DAB1: variants seen among roughly 807,000 people sequenced by gnomAD.
The protein encoded by DAB1 is DAB adaptor protein 1.
In DAB1, 15 loss-of-function variants were observed where a neutral mutation model predicts 64.6. The observed-to-expected ratio is 0.23, with a 90% confidence interval of 0.16 to 0.36. The LOEUF (loss-of-function observed/expected upper bound fraction) is 0.36. DAB1 is among the 10% of genes least tolerant of loss of function. DAB1 has a pLI of 1.00. For missense variants in DAB1, 596 were observed against 706.7 expected, an observed-to-expected ratio of 0.84 and a Z score of 1.78; for synonymous variants, 235 against 251.9, an observed-to-expected ratio of 0.93 and a Z score of 0.64.
At chr1:57,343,550 G>C (rs1218306932) in intron 1 of DAB1, among the ~76,000 whole-genome samples, 1 of 152,220 alleles carries the variant, frequency 6.6e-6, no homozygotes. Flanking sequence ...ACGGAGGTCG[G>C]GGGAGGCTCA....
chr1:57,034,048 G>A (rs1452370713), intron 9 of DAB1, among the ~76,000 whole-genome samples: 10 of 152,142 alleles, frequency 6.6e-5, no homozygotes, highest in Admixed American at 2.6e-4. Context: ...TTGGGAGGCC[G>A]AGGAGGCGGA....
At chr1:57,018,984 C>T (rs570903166) in intron 11 of DAB1, among the ~76,000 whole-genome samples, 26 of 152,052 alleles carry the variant, frequency 1.7e-4, no homozygotes, top group African/African-American at 6.0e-4. Context: ...CTTGGAGACT[C>T]AGTTCACTAT....
chr1:57,693,422 G>A (rs1228428446), intron 6 of DAB1, among the ~76,000 whole-genome samples: 1 of 152,114 alleles, frequency 6.6e-6, no homozygotes, highest in East Asian at 1.9e-4. Context: ...CCAGCACTCT[G>A]TAAAAACGCA....
rs1658989874 is a variant in DAB1, at chr1:57,145,170, C to G, written c.207+120G>C. On this transcript the variant is annotated intron_variant, in intron 3 of 14. Transcript: ENST00000371236. ...CGAATGAAAAAATATGGTGATTCAACAGTAAGCCAAGTAATTTACCAATAA... is the reference window on the plus strand; with the variant it reads ...CGAATGAAAAAATATGGTGATTCAAGAGTAAGCCAAGTAATTTACCAATAA... 3.0e-6 allele frequency: 3 copies of G among 1,006,692 alleles called. 1 individual carries two copies. In the Admixed American group the frequency reaches 7.1e-5, roughly 24 times the overall value. 62.4% of individuals were successfully genotyped at this position (1,006,692 alleles called of 1,614,324 possible). A position where few individuals can be genotyped will look rare whatever the true frequency, so the allele number is the denominator to read the frequency against.
intron 2 of DAB1, among the ~76,000 whole-genome samples, chr1:57,278,559 A>G (rs1671650283): frequency 6.6e-6 from 1 of 152,200 alleles, no homozygotes; most frequent in African/African-American, 2.4e-5. Context: ...GAGAATCACA[A>G]GGCTTAATTC....
chr1:58,532,173 G>A (rs940049090), intron 1 of DAB1, among the ~76,000 whole-genome samples: 2 of 151,964 alleles, frequency 1.3e-5, no homozygotes, highest in African/African-American at 2.4e-5. Flanking sequence ...AAACATAAAC[G>A]CCTAGATAAA....
chr1:57,823,645 A>G (rs1652221513), downstream of DAB1, among the ~76,000 whole-genome samples: 1 of 152,146 alleles, frequency 6.6e-6, no homozygotes, highest in Middle Eastern at 3.2e-3. Context: ...TCTGGTGCAA[A>G]GTATTAACCT....
intron 1 of DAB1, among the ~76,000 whole-genome samples, chr1:57,324,931 C>G (rs1277917212): frequency 1.3e-5 from 2 of 152,212 alleles, no homozygotes. Context: ...AACTGTTTCC[C>G]TGAGAACTGC....
At chr1:58,424,843 TATG>T (rs890023084) in intron 3 of DAB1, among the ~76,000 whole-genome samples, 2 of 152,076 alleles carry the variant, frequency 1.3e-5, no homozygotes, top group Non-Finnish European at 2.9e-5. Context: ...AGGAGGCATC[TATG>T]ATGAGTTCTA....
rs911523306 is a variant in DAB1, at chr1:58,085,958, C to CTTTTTTTTTT, written n.387+64543_387+64552dup. Reference sequence around the variant, plus strand: ...GGATGCTGTGGGCTGATCTCTCTCTCTTTTTTTTTTTTTTTTTTTTTTTGA... The same window carrying CTTTTTTTTTT: ...GGATGCTGTGGGCTGATCTCTCTCTCTTTTTTTTTTTTTTTTTTTTTTTTTTTTTTTTTGA... On this transcript the variant is annotated intron_variant and non_coding_transcript_variant, in intron 5 of 20. Coordinates refer to the DAB1 transcript ENST00000485760. Among the ~76,000 whole-genome samples the CTTTTTTTTTT allele has an allele frequency of 1.1e-4, 11 of 98,702 alleles. 1 individual carries two copies. The highest frequency in any genetic ancestry group is 7.5e-3 in the Middle Eastern group (1 of 134). 64.8% of individuals were successfully genotyped at this position (98,702 alleles called of 152,430 possible).
At chr1:57,511,938 A>T (rs1241452194) in intron 7 of DAB1, among the ~76,000 whole-genome samples, 1 of 152,200 alleles carries the variant, frequency 6.6e-6, no homozygotes, top group Non-Finnish European at 1.5e-5. Context: ...ACTAGTGATA[A>T]TAACAATCAC....
At chr1:58,501,888 T>TA (rs1361232465) in intron 3 of DAB1, among the ~76,000 whole-genome samples, 1 of 152,108 alleles carries the variant, frequency 6.6e-6, no homozygotes, top group East Asian at 1.9e-4. Context: ...AGTAGCTTTA[T>TA]AAAAAGAGAC....
intron 6 of DAB1, among the ~76,000 whole-genome samples, chr1:57,693,677 C>T (rs1646791157): frequency 6.6e-6 from 1 of 152,150 alleles, no homozygotes; most frequent in African/African-American, 2.4e-5. Flanking sequence ...GGGTCTGCAC[C>T]ACCTTTAAGA....
chr1:58,015,070 G>A (rs942928931), intron 5 of DAB1, among the ~76,000 whole-genome samples: 1 of 152,210 alleles, frequency 6.6e-6, no homozygotes, highest in Non-Finnish European at 1.5e-5. Context: ...TCAAACAAGA[G>A]AGAGCAGAGA....
intron 7 of DAB1, among the ~76,000 whole-genome samples, chr1:57,552,215 A>G (rs1238479225): frequency 6.6e-6 from 1 of 152,184 alleles, no homozygotes; most frequent in Non-Finnish European, 1.5e-5. Flanking sequence ...AGTTCCTTTC[A>G]TGAGTCATTT....
chr1:57,098,416 T>C (rs752701476), intron 4 of DAB1, among the ~76,000 whole-genome samples: 8 of 152,174 alleles, frequency 5.3e-5, no homozygotes, highest in Non-Finnish European at 8.8e-5. Context: ...CAGGTAGAAT[T>C]TGAACTCAGG....
chr1:58,015,818 T>C (rs1164064744), intron 5 of DAB1, among the ~76,000 whole-genome samples: 1 of 152,172 alleles, frequency 6.6e-6, no homozygotes, highest in East Asian at 1.9e-4. Flanking sequence ...CTATTTCCCT[T>C]GCAAGGGCAT....
At chr1:57,204,953 C>A (rs1390840385) in intron 2 of DAB1, among the ~76,000 whole-genome samples, 1 of 152,132 alleles carries the variant, frequency 6.6e-6, no homozygotes, top group Non-Finnish European at 1.5e-5. Flanking sequence ...CAACACAGGG[C>A]TAAAAGATGA....
chr1:58,163,281 T>C (rs1655642613), intron 4 of DAB1, among the ~76,000 whole-genome samples: 1 of 152,104 alleles, frequency 6.6e-6, no homozygotes, highest in African/African-American at 2.4e-5. Context: ...GCACAAACAT[T>C]GCAGGTCCGG....
Sources: gnomAD v4.1 joint callset for allele counts (sites outside exome capture counted in the v4.1 genomes callset) on GRCh38, gnomAD v4.1.1 for gene constraint, MANE v1.5 for transcripts, NCBI Gene and HGNC (gene_info 2026-07-23, HGNC 2026-07-21) for gene names.